Variants in SDK1 observed in about 807,000 individuals in gnomAD.
SDK1 encodes protein sidekick-1.
In SDK1, 157 loss-of-function variants were observed where a neutral mutation model predicts 245.5. That is an observed-to-expected ratio of 0.64 (90% CI 0.56 to 0.73). The LOEUF is 0.73. Among genes scored for constraint, SDK1 ranks in the 30% least tolerant of loss-of-function variants. SDK1 has a pLI of 0.00. For synonymous variants in SDK1, 1,647 were observed against 1,278.5 expected, an observed-to-expected ratio of 1.29 and a Z score of -6.15; for missense variants, 3,583 against 3,002.3, an observed-to-expected ratio of 1.19 and a Z score of -4.52.
chr7:3,446,542 T>C (rs1169750174), intron 1 of SDK1, among the ~76,000 whole-genome samples: 3 of 152,180 alleles, frequency 2.0e-5, no homozygotes, highest in African/African-American at 7.2e-5. Context: ...GAAACTTCCT[T>C]GCAGAAGCTG....
intron 1 of SDK1, among the ~76,000 whole-genome samples, chr7:3,484,067 C>G (rs1002110268): frequency 1.3e-5 from 2 of 152,120 alleles, no homozygotes; most frequent in Non-Finnish European, 2.9e-5. Flanking sequence ...GGGGATACTC[C>G]AAATATTCTC....
chr7:3,340,483 C>T (rs1322810997), intron 1 of SDK1, among the ~76,000 whole-genome samples: 1 of 152,142 alleles, frequency 6.6e-6, no homozygotes, highest in Non-Finnish European at 1.5e-5. Flanking sequence ...AAAAAATTGG[C>T]CAGGTATGGT....
At chr7:3,619,046 C>T (rs370122450) in intron 1 of SDK1, 34 bp from the exon 2 acceptor site, 1,023 of 1,490,692 alleles carry the variant, frequency 6.9e-4, no homozygotes, top group Non-Finnish European at 7.7e-4. Context: ...ATGCGTACTT[C>T]AGTTTTGTTT....
intron 20 of SDK1, among the ~76,000 whole-genome samples, chr7:4,075,998 A>C (rs1231856553): frequency 6.6e-6 from 1 of 152,152 alleles, no homozygotes; most frequent in Non-Finnish European, 1.5e-5. Context: ...TCCCAGGTTG[A>C]ATAAATTTTC....
chr7:3,417,321 C>G (rs1779401791), intron 1 of SDK1, among the ~76,000 whole-genome samples: 1 of 152,224 alleles, frequency 6.6e-6, no homozygotes. Flanking sequence ...GCCCACCTCT[C>G]CAGCCAGTTC....
intron 5 of SDK1, among the ~76,000 whole-genome samples, chr7:3,914,357 A>G (rs188665281): frequency 1.3e-5 from 2 of 152,234 alleles, no homozygotes; most frequent in African/African-American, 4.8e-5. Flanking sequence ...AAAGATTGTT[A>G]TGTCAAAAAT....
At chr7:3,938,096 C>G (rs988429522) in intron 5 of SDK1, among the ~76,000 whole-genome samples, 4 of 152,158 alleles carry the variant, frequency 2.6e-5, no homozygotes, top group Non-Finnish European at 5.9e-5. Context: ...CTTGACCTCC[C>G]AAAGTGCTGG....
chr7:4,086,301 A>T (rs1253372477), intron 22 of SDK1, among the ~76,000 whole-genome samples: 2 of 152,196 alleles, frequency 1.3e-5, no homozygotes, highest in Non-Finnish European at 2.9e-5. Flanking sequence ...TATCACTGCC[A>T]TAACAAATCA....
chr7:3,781,096 G>A (rs1780721447), intron 4 of SDK1, among the ~76,000 whole-genome samples: 1 of 152,038 alleles, frequency 6.6e-6, no homozygotes, highest in Non-Finnish European at 1.5e-5. Flanking sequence ...CTGACAGGGA[G>A]GAAATCCTGA....
intron 4 of SDK1, among the ~76,000 whole-genome samples, chr7:3,809,052 T>A (rs1779320562): frequency 6.6e-6 from 1 of 151,960 alleles, no homozygotes; most frequent in Non-Finnish European, 1.5e-5. Context: ...GGGTAATTTA[T>A]AAAGAAAAAG....
Position 3,544,059 on chromosome 7 carries a change from C to T in SDK1, c.299-75021C>T, listed in dbSNP as rs60091839. Among the ~76,000 whole-genome samples the T allele has an allele frequency of 5.2e-3, 795 of 152,214 alleles. 5 individuals carry two copies. Among genetic ancestry groups the T allele is most frequent in the African/African-American group, 0.018 (764 of 41,520 alleles). On this transcript the variant is annotated intron_variant, in intron 1 of 44. Coordinates refer to ENST00000404826, the MANE Select transcript of SDK1 (RefSeq NM_152744.4). ...GTAGTTTTTATATTTGATTATTTTCCTCATATATCGTTATCCTTGACTAAA... is the reference window on the plus strand; with the variant it reads ...GTAGTTTTTATATTTGATTATTTTCTTCATATATCGTTATCCTTGACTAAA...
intron 19 of SDK1, among the ~76,000 whole-genome samples, chr7:4,055,630 T>C (rs1359827027): frequency 1.3e-5 from 2 of 151,984 alleles, no homozygotes; most frequent in Non-Finnish European, 2.9e-5. Flanking sequence ...CATTTTCAAC[T>C]TTATTGATTT....
At chr7:3,559,215 G>C (rs1779676022) in intron 1 of SDK1, among the ~76,000 whole-genome samples, 1 of 152,078 alleles carries the variant, frequency 6.6e-6, no homozygotes, top group Non-Finnish European at 1.5e-5. Context: ...AATAATGACT[G>C]TTGCATGGAT....
At chr7:4,263,453 A>T (rs1425234909) in intron 44 of SDK1, among the ~76,000 whole-genome samples, 1 of 149,414 alleles carries the variant, frequency 6.7e-6, no homozygotes, top group Non-Finnish European at 1.5e-5. Context: ...GAGGCCGCGT[A>T]GACCTCTCTT....
At position 3,839,526 on chromosome 7, in the gene SDK1, TC is replaced by T. The variant is rs1246391491; in HGVS notation, c.847+17946del. On this transcript the variant is annotated intron_variant, in intron 5 of 44. Coordinates refer to ENST00000404826, the MANE Select transcript of SDK1 (RefSeq NM_152744.4). The stretch of plus-strand genomic sequence containing the variant: ...GTTAAAACTGTTAAAACTCCTTCCT[TC>T]CCATCTGTTTATTTATGAAAATAAG... Among the ~76,000 whole-genome samples the T allele has an allele frequency of 1.4e-4, 22 of 152,154 alleles. 1 individual carries two copies. The highest frequency in any genetic ancestry group is 5.3e-4 in the African/African-American group (22 of 41,440).
At chr7:3,730,940 A>C (rs2115040545) in intron 4 of SDK1, among the ~76,000 whole-genome samples, 1 of 152,226 alleles carries the variant, frequency 6.6e-6, no homozygotes, top group Non-Finnish European at 1.5e-5. Flanking sequence ...TCCCAGATGA[A>C]CCTTAGGACA....
In SDK1 at chr7:3,951,833, G is replaced by A. The variant is rs142657541; in HGVS notation, c.1063G>A (p.Ala355Thr). ...CCTCACCATCAGCAACCCGACGTCC[G>A]CGGACACCGGGCCATACGTCTGCGA... ...RRLTISNPTSADTGPYVCEAA... is the reference protein window; with the variant it reads ...RRLTISNPTSTDTGPYVCEAA... Residue 355 changes from alanine to threonine, a missense_variant, in exon 7 of 45, where the codon GCG (alanine) becomes ACG (threonine). By Grantham distance (58) the Ala-to-Thr change is moderately conservative (BLOSUM62 0). Coordinates refer to ENST00000404826, the MANE Select transcript of SDK1 (RefSeq NM_152744.4). 4.5e-5 allele frequency: 73 copies of A among 1,613,696 alleles called. No individual in the cohort carries two copies. The Middle Eastern group carries it at 6.6e-4, about 15-fold the overall frequency.
At chr7:3,496,862 A>C (rs868305350) in intron 1 of SDK1, among the ~76,000 whole-genome samples, 1 of 152,184 alleles carries the variant, frequency 6.6e-6, no homozygotes, top group African/African-American at 2.4e-5. Flanking sequence ...CTTTCCCCCC[A>C]CCACAGTTAG....
intron 1 of SDK1, among the ~76,000 whole-genome samples, chr7:3,567,383 T>C (rs1779957666): frequency 6.6e-6 from 1 of 152,148 alleles, no homozygotes. Flanking sequence ...GTGGAATTAT[T>C]CCTAGAAGCC....
Sources: gnomAD v4.1 joint callset for allele counts (sites outside exome capture counted in the v4.1 genomes callset) on GRCh38, gnomAD v4.1.1 for gene constraint, MANE v1.5 for transcripts, NCBI Gene and HGNC (gene_info 2026-07-23, HGNC 2026-07-21) for gene names.